Variants in DSCAML1 observed in about 807,000 individuals in gnomAD.
DSCAML1 encodes DS cell adhesion molecule like 1, also known as cell adhesion molecule DSCAML1.
A neutral mutation model predicts 200.5 loss-of-function variants in DSCAML1; 38 were observed. The observed-to-expected ratio is 0.19, with a 90% confidence interval of 0.15 to 0.25. The LOEUF is 0.25. Among genes scored for constraint, DSCAML1 ranks in the 10% least tolerant of loss-of-function variants. DSCAML1 has a pLI of 1.00. For synonymous variants in DSCAML1, 1,215 were observed against 1,165.0 expected (o/e 1.04, Z -0.87); for missense variants, 2,223 against 2,858.8 (o/e 0.78, Z 5.07).
chr11:117,432,329 G>A, intron 30 of DSCAML1, 23 bp downstream of exon 30: 2 of 1,602,044 alleles, frequency 1.2e-6, no homozygotes, highest in East Asian at 2.2e-5. Flanking sequence ...GAAAAGGGCT[G>A]TCTCCCTGGG....
At chr11:117,662,205 G>GT (rs1028497805) in intron 3 of DSCAML1, among the ~76,000 whole-genome samples, 4 of 152,210 alleles carry the variant, frequency 2.6e-5, no homozygotes, top group Admixed American at 6.5e-5. Flanking sequence ...CAAGTGCCAT[G>GT]TTTTTTTAAA....
intron 3 of DSCAML1, among the ~76,000 whole-genome samples, chr11:117,658,348 G>A (rs1225479957): frequency 1.3e-5 from 2 of 152,168 alleles, no homozygotes; most frequent in Non-Finnish European, 2.9e-5. Context: ...AGTCTGATGT[G>A]AGGAGACTTT....
At chr11:117,519,878 G>A (rs1199500373) in intron 6 of DSCAML1, among the ~76,000 whole-genome samples, 1 of 152,196 alleles carries the variant, frequency 6.6e-6, no homozygotes, top group Non-Finnish European at 1.5e-5. Context: ...GTCGGGGTGA[G>A]GAATGAGGGC....
Position 117,628,709 on chromosome 11 carries a change from G to A in DSCAML1, c.512-96187C>T, listed in dbSNP as rs554633517. Reference sequence around the variant, plus strand: ...GTATACCCGGGGCACAGTCTTCTGGGATGGACACTTCCATGGGAAGGGGAA... The same window carrying A: ...GTATACCCGGGGCACAGTCTTCTGGAATGGACACTTCCATGGGAAGGGGAA... On this transcript the variant is annotated intron_variant, in intron 3 of 32. Transcript: ENST00000651296. Among the ~76,000 whole-genome samples, 6 of 152,294 alleles carry A rather than the reference G, an allele frequency of 3.9e-5. No homozygotes were observed. In the South Asian group the frequency reaches 1.2e-3, roughly 32 times the overall value.
intron 3 of DSCAML1, among the ~76,000 whole-genome samples, chr11:117,631,788 CCTGGGCCAGGCCCTGAG>C (rs1159965763): frequency 7.2e-5 from 11 of 152,188 alleles, no homozygotes; most frequent in African/African-American, 2.4e-4. Context: ...GAGGCTTCTT[CCTGGGCCAGGCCCTGAG>C]CTATGCTCTG....
At chr11:117,457,668 A>G (rs984992077) in intron 19 of DSCAML1, among the ~76,000 whole-genome samples, 1 of 151,886 alleles carries the variant, frequency 6.6e-6, no homozygotes, top group African/African-American at 2.4e-5. Context: ...AGGGAGGGAG[A>G]GCCGGGAGAT....
intron 1 of DSCAML1, among the ~76,000 whole-genome samples, chr11:117,793,900 A>G (rs538093464): frequency 1.3e-5 from 2 of 152,236 alleles, no homozygotes; most frequent in South Asian, 2.1e-4. Flanking sequence ...GGCCCTGCCA[A>G]TCTCCCTCAT....
chr11:117,593,874 G>A (rs981714896), intron 3 of DSCAML1, among the ~76,000 whole-genome samples: 1 of 151,982 alleles, frequency 6.6e-6, no homozygotes, highest in Non-Finnish European at 1.5e-5. Context: ...ACCACACCTG[G>A]CTAATTTTTT....
At chr11:117,754,777 C>T (rs948384243) in intron 3 of DSCAML1, among the ~76,000 whole-genome samples, 1 of 152,112 alleles carries the variant, frequency 6.6e-6, no homozygotes, top group Non-Finnish European at 1.5e-5. Flanking sequence ...CGTGCTGCCT[C>T]TTTGGCCATA....
rs751362340 is a variant in DSCAML1 at position 117,516,764 on chromosome 11, G to C, written c.1511-25C>G. 2 of 1,597,862 alleles carry C rather than the reference G, an allele frequency of 1.3e-6. No individual in the cohort carries two copies. Among genetic ancestry groups the C allele is most frequent in the Admixed American group, 3.4e-5 (2 of 59,440 alleles). The stretch of plus-strand genomic sequence containing the variant: ...CCTGGGCAGGAGTCAGAAGAGAGGA[G>C]GAGGAGGAGAAGGGCATGTGCTGCT... On this transcript the variant is annotated intron_variant, in intron 7 of 32. Transcript: ENST00000651296. The surrounding 1 kb of genome is among the most constrained non-coding windows in gnomAD (Gnocchi z 5.7).
intron 3 of DSCAML1, among the ~76,000 whole-genome samples, chr11:117,732,965 T>C (rs940867508): frequency 2.0e-5 from 3 of 152,200 alleles, no homozygotes. Context: ...TTCTAATTGT[T>C]TCCAGAGCCT....
chr11:117,770,090 T>A (rs1230103458), intron 3 of DSCAML1, among the ~76,000 whole-genome samples: 2 of 152,162 alleles, frequency 1.3e-5, no homozygotes, highest in African/African-American at 4.8e-5. Context: ...AGGGCCTGAC[T>A]TGAGGGCCCG....
chr11:117,441,877 C>T (rs1309109658), intron 21 of DSCAML1, among the ~76,000 whole-genome samples: 1 of 152,078 alleles, frequency 6.6e-6, no homozygotes, highest in African/African-American at 2.4e-5. Context: ...AGCCTGGGGG[C>T]TTTGTGGGTG....
upstream of DSCAML1, among the ~76,000 whole-genome samples, chr11:117,800,511 A>C (rs2055647594): frequency 6.6e-6 from 1 of 152,250 alleles, no homozygotes; most frequent in Admixed American, 6.5e-5. Context: ...CCTGTGCTTC[A>C]ATGTGATTTG....
intron 3 of DSCAML1, among the ~76,000 whole-genome samples, chr11:117,718,278 T>A (rs1223337112): frequency 2.0e-5 from 3 of 152,124 alleles, no homozygotes; most frequent in African/African-American, 7.2e-5. Context: ...CAGGGCTGTC[T>A]GCCAAAGTGC....
chr11:117,770,160 T>C (rs895283726), intron 3 of DSCAML1, among the ~76,000 whole-genome samples: 2 of 152,128 alleles, frequency 1.3e-5, no homozygotes, highest in African/African-American at 4.8e-5. Flanking sequence ...TGCGGTATCC[T>C]CCTCTTTGTG....
intron 3 of DSCAML1, among the ~76,000 whole-genome samples, chr11:117,623,019 C>A (rs2051967275): frequency 6.6e-6 from 1 of 152,018 alleles, no homozygotes; most frequent in Non-Finnish European, 1.5e-5. Flanking sequence ...CCAAATCCTG[C>A]TTCTAGCACT....
chr11:117,733,403 T>A (rs2054259904), intron 3 of DSCAML1, among the ~76,000 whole-genome samples: 1 of 152,146 alleles, frequency 6.6e-6, no homozygotes, highest in Non-Finnish European at 1.5e-5. Context: ...TCTATCTGCA[T>A]GGATTTTTGG....
chr11:117,588,801 T>G (rs990943693), intron 3 of DSCAML1, among the ~76,000 whole-genome samples: 3 of 151,742 alleles, frequency 2.0e-5, no homozygotes, highest in African/African-American at 4.8e-5. Context: ...CAGGGGCGGG[T>G]GTGGGGATCC....
Sources: gnomAD v4.1 joint callset for allele counts (sites outside exome capture counted in the v4.1 genomes callset) on GRCh38, gnomAD v4.1.1 for gene constraint, Gnocchi (gnomAD v3.1) non-coding constraint, MANE v1.5 for transcripts, NCBI Gene and HGNC (gene_info 2026-07-23, HGNC 2026-07-21) for gene names.